SEZ6L: variants seen among roughly 807,000 people sequenced by gnomAD.
The protein encoded by SEZ6L is seizure related 6 homolog like, also known as seizure 6-like protein.
SEZ6L carries 37 observed loss-of-function variants against 106.2 expected under a neutral mutation model. The observed-to-expected ratio is 0.35, with a 90% CI of 0.27 to 0.46. The LOEUF (loss-of-function observed/expected upper bound fraction) is 0.46, where lower values mean the gene tolerates loss of function less well. SEZ6L is among the 20% of genes least tolerant of loss of function. The pLI is 1.00. For synonymous variants in SEZ6L, 541 were observed against 570.4 expected (o/e 0.95, Z 0.73); for missense variants, 1,172 against 1,332.8 (o/e 0.88, Z 1.88).
intron 1 of SEZ6L, among the ~76,000 whole-genome samples, chr22:26,175,595 A>G (rs2123764252): frequency 6.6e-6 from 1 of 152,302 alleles, no homozygotes; most frequent in East Asian, 1.9e-4. Flanking sequence ...AAAAAGATGA[A>G]CATAGGGATT....
intron 13 of SEZ6L, 62 bp from the exon 14 acceptor site, chr22:26,373,389 A>G: frequency 6.6e-7 from 1 of 1,522,048 alleles, no homozygotes; most frequent in Non-Finnish European, 8.9e-7. Context: ...TTTTGGCCTC[A>G]TTTCATGCAA....
intron 1 of SEZ6L, among the ~76,000 whole-genome samples, chr22:26,179,684 A>G (rs559200333): frequency 6.6e-6 from 1 of 152,316 alleles, no homozygotes; most frequent in East Asian, 1.9e-4. Context: ...AGGACACTGC[A>G]AATATTGAGC....
At chr22:26,195,222 G>A (rs1345278284) in intron 1 of SEZ6L, among the ~76,000 whole-genome samples, 3 of 152,220 alleles carry the variant, frequency 2.0e-5, no homozygotes, top group African/African-American at 7.2e-5. Context: ...CACTGCCAAT[G>A]AGTTAAATAT....
intron 11 of SEZ6L, among the ~76,000 whole-genome samples, chr22:26,348,542 GAA>G (rs1374294408): frequency 6.5e-5 from 5 of 76,988 alleles, no homozygotes; most frequent in Non-Finnish European, 7.5e-5. Context: ...AGGAAGGAAG[GAA>G]GGAAGGAAGG....
At chr22:26,329,250 C>A (rs2082409127) in intron 9 of SEZ6L, among the ~76,000 whole-genome samples, 1 of 152,096 alleles carries the variant, frequency 6.6e-6, no homozygotes, top group Non-Finnish European at 1.5e-5. Flanking sequence ...GGTGGATCAT[C>A]TGAGGTCAAG....
rs185099000 is a variant in SEZ6L at position 26,300,836 on chromosome 22, T to C, written c.1348+1667T>C. ...TGTTTGTCTTTTTGTTATTGAGTTGTAAGCAATCATTATATATTCTGATCA... is the reference window on the plus strand; with the variant it reads ...TGTTTGTCTTTTTGTTATTGAGTTGCAAGCAATCATTATATATTCTGATCA... On this transcript the variant is annotated intron_variant, in intron 5 of 16. Transcript: ENST00000248933. Among the ~76,000 whole-genome samples, 584 of 152,368 alleles carry C rather than the reference T, an allele frequency of 3.8e-3. 1 individual carries two copies. Among genetic ancestry groups the C allele is most frequent in the Non-Finnish European group, 6.4e-3 (433 of 68,036 alleles).
chr22:26,179,183 G>C (rs1457914531), intron 1 of SEZ6L, among the ~76,000 whole-genome samples: 1 of 152,186 alleles, frequency 6.6e-6, no homozygotes, highest in Non-Finnish European at 1.5e-5. Flanking sequence ...GAGGCCAGGA[G>C]CTCTAGACCA....
chr22:26,358,054 G>A (rs1419668112), intron 12 of SEZ6L, among the ~76,000 whole-genome samples: 7 of 152,200 alleles, frequency 4.6e-5, no homozygotes, highest in African/African-American at 1.7e-4. Flanking sequence ...CACAGGTGCT[G>A]TGGCCAGACT....
chr22:26,341,239 A>G (rs1287067554), intron 10 of SEZ6L, among the ~76,000 whole-genome samples: 1 of 150,818 alleles, frequency 6.6e-6, no homozygotes, highest in Non-Finnish European at 1.5e-5. Context: ...CCTCCAAACC[A>G]TGTCTCTCCT....
At chr22:26,195,979 C>T (rs1156366054) in intron 1 of SEZ6L, among the ~76,000 whole-genome samples, 1 of 152,060 alleles carries the variant, frequency 6.6e-6, no homozygotes, top group Non-Finnish European at 1.5e-5. Flanking sequence ...ATATGCAAAG[C>T]CCCAAGGAAG....
chr22:26,318,600 T>G (rs2082071343), intron 9 of SEZ6L, among the ~76,000 whole-genome samples: 1 of 152,222 alleles, frequency 6.6e-6, no homozygotes, highest in Non-Finnish European at 1.5e-5. Flanking sequence ...AAGTTAAAAA[T>G]AAATTGTATT....
chr22:26,243,158 A>T (rs1321453867), intron 1 of SEZ6L, among the ~76,000 whole-genome samples: 1 of 152,204 alleles, frequency 6.6e-6, no homozygotes. Flanking sequence ...GAATGATCTC[A>T]TCTTAACTTG....
chr22:26,238,239 G>A (rs935426403), intron 1 of SEZ6L, among the ~76,000 whole-genome samples: 2 of 152,246 alleles, frequency 1.3e-5, no homozygotes, highest in Non-Finnish European at 2.9e-5. Context: ...GAAGGGTTTA[G>A]CCTGAAGGGC....
intron 1 of SEZ6L, among the ~76,000 whole-genome samples, chr22:26,240,702 C>T (rs1001521364): frequency 1.3e-5 from 2 of 152,078 alleles, no homozygotes; most frequent in Non-Finnish European, 2.9e-5. Context: ...CTGTTCTAGG[C>T]GTTTCAGAGT....
chr22:26,218,399 C>G (rs189726298), intron 1 of SEZ6L, among the ~76,000 whole-genome samples: 2 of 152,334 alleles, frequency 1.3e-5, no homozygotes, highest in African/African-American at 4.8e-5. Context: ...AATGCTCTCC[C>G]TCCCCTTGCT....
chr22:26,235,082 C>T (rs1374476956), intron 1 of SEZ6L, among the ~76,000 whole-genome samples: 2 of 152,208 alleles, frequency 1.3e-5, no homozygotes, highest in Non-Finnish European at 2.9e-5. Context: ...TTTGCCTTCT[C>T]TTCCATCCCC....
chr22:26,328,732 CT>C (rs1272798989), intron 9 of SEZ6L, among the ~76,000 whole-genome samples: 1 of 152,032 alleles, frequency 6.6e-6, no homozygotes, highest in Non-Finnish European at 1.5e-5. Flanking sequence ...CTTTCCTACT[CT>C]TTTTCTCTTT....
intron 1 of SEZ6L, among the ~76,000 whole-genome samples, chr22:26,247,037 T>A (rs1042220589): frequency 6.6e-6 from 1 of 152,186 alleles, no homozygotes. Context: ...ATTTTATTGT[T>A]GTCTGAATTG....
rs144636647 is a variant in SEZ6L at position 26,380,355 on chromosome 22, AT to A, written c.*61del. 1,714 of 1,412,050 alleles carry A rather than the reference AT, an allele frequency of 1.2e-3. 18 individuals are homozygous for A. The African/African-American group carries it at 0.021, about 17-fold the overall frequency. The allele number at this position is 1,412,050 out of a possible 1,614,324, so 87.5% of individuals were successfully genotyped here. The stretch of plus-strand genomic sequence containing the variant: ...CAACCACAATCTCCTCGAGACATTC[AT>A]CCAGAGACCATGTGGCACTTGATTG... On this transcript the variant is annotated 3_prime_UTR_variant, in exon 17 of 17. Coordinates refer to ENST00000248933, the MANE Select transcript of SEZ6L (RefSeq NM_021115.5).
Sources: gnomAD v4.1 joint callset for allele counts (sites outside exome capture counted in the v4.1 genomes callset) on GRCh38, gnomAD v4.1.1 for gene constraint, MANE v1.5 for transcripts, NCBI Gene and HGNC (gene_info 2026-07-23, HGNC 2026-07-21) for gene names.